The following NEMP2 variants were observed in gnomAD, a reference collection of about 807,000 sequenced individuals.
The protein encoded by NEMP2 is nuclear envelope integral membrane protein 2, also known as UPF0571 transmembrane protein.
A neutral mutation model predicts 54.2 loss-of-function variants in NEMP2; 53 were observed. That is an observed-to-expected ratio of 0.98 (90% CI 0.78 to 1.23). The LOEUF is 1.23. Ranked by LOEUF, NEMP2 falls within the 50% of genes most tolerant of loss-of-function variation. The probability of loss-of-function intolerance (pLI) is 0.00; values close to 1 mark genes in which losing one functional copy is unlikely to be tolerated. For synonymous variants in NEMP2, 197 were observed against 190.3 expected (o/e 1.04, Z -0.29); for missense variants, 455 against 511.3 (o/e 0.89, Z 1.06).
At chr2:190,619,288 G>A in the NEMP2 span, among the ~76,000 whole-genome samples, 2 of 149,552 alleles carry the variant, frequency 1.3e-5, no homozygotes, top group African/African-American at 4.9e-5. This position sits in a 1 kb window ranked among gnomAD's most constrained non-coding sequence, Gnocchi z 5.5. Flanking sequence ...GAGGCAGAAG[G>A]ATCACTGGAG....
At position 190,514,637 on chromosome 2, in the gene NEMP2, A is replaced by G. The variant is rs1355023786; in HGVS notation, c.769T>C (p.Tyr257His). 2 of 1,551,748 alleles carry G rather than the reference A, an allele frequency of 1.3e-6. No homozygotes were observed. The highest frequency in any genetic ancestry group is 2.4e-5 in the East Asian group (1 of 40,926). The stretch of plus-strand genomic sequence containing the variant: ...TCGTCTGCAAGGGGCCCATGCTTGT[A>G]ACAAACAACAAAGCTGAAAAATCCA... ...IVGFFSFVVCYKHGPLADDRS... is the reference protein window; with the variant it reads ...IVGFFSFVVCHKHGPLADDRS... Residue 257 changes from tyrosine to histidine, a missense_variant, in exon 7 of 9, where the codon TAC becomes CAC. Coordinates refer to ENST00000409150, the MANE Select transcript of NEMP2 (RefSeq NM_001142645.2). The surrounding 1 kb of genome is among the most constrained non-coding windows in gnomAD (Gnocchi z 5.7).
In NEMP2 at chr2:190,513,711, ATTT is replaced by A. The variant is rs1336689555; in HGVS notation, c.953+739_953+741del. ...GCCCTCCGCATTTATTCGTCTGGTT[ATTT>A]TTATTCATTCTTTAAGATTCAGCGT... On this transcript the variant is annotated intron_variant, in intron 7 of 8. Coordinates refer to ENST00000409150, the MANE Select transcript of NEMP2 (RefSeq NM_001142645.2). This position sits in a 1 kb window ranked among gnomAD's most constrained non-coding sequence, Gnocchi z 5.3. 2.6e-5 allele frequency among the ~76,000 whole-genome samples: 4 copies of A among 152,150 alleles called. No individual in the cohort carries two copies. The highest frequency in any genetic ancestry group is 6.5e-5 in the Admixed American group (1 of 15,272).
the NEMP2 span, among the ~76,000 whole-genome samples, chr2:190,613,976 C>G: frequency 1.3e-5 from 2 of 151,570 alleles, no homozygotes; most frequent in African/African-American, 4.8e-5. Flanking sequence ...TTTGACTAGT[C>G]TTTCCTTTTT....
chr2:190,488,886 A>G, the NEMP2 span: 2 of 1,381,554 alleles, frequency 1.4e-6, no homozygotes, highest in African/African-American at 3.0e-5. This position sits in a 1 kb window ranked among gnomAD's most constrained non-coding sequence, Gnocchi z 6.4. Flanking sequence ...GCAATACCTC[A>G]ATAAACAATC....
the NEMP2 span, among the ~76,000 whole-genome samples, chr2:190,621,712 T>C: frequency 2.0e-5 from 3 of 152,144 alleles, no homozygotes; most frequent in Non-Finnish European, 2.9e-5. Context: ...ATCAATGGAA[T>C]AGAATTGAGA....
At position 190,533,640 on chromosome 2, in the gene NEMP2, A is replaced by G. The variant is rs1177778174; in HGVS notation, c.97+919T>C. 6.6e-6 allele frequency among the ~76,000 whole-genome samples: 1 copy of G among 152,196 alleles called. No individual in the cohort carries two copies. Among genetic ancestry groups the G allele is most frequent in the African/African-American group, 2.4e-5 (1 of 41,438 alleles). ...TCATCCTTAGATAAAAAACCGCGGT[A>G]TAACCGGAGGGAGGGCCATGCCCAG... On this transcript the variant is annotated intron_variant, in intron 1 of 8. Transcript: ENST00000409150. This position sits in a 1 kb window ranked among gnomAD's most constrained non-coding sequence, Gnocchi z 4.3.
chr2:190,569,354 C>T, the NEMP2 span, among the ~76,000 whole-genome samples: 28 of 151,960 alleles, frequency 1.8e-4, no homozygotes, highest in African/African-American at 6.8e-4. Flanking sequence ...ATTACTAAGC[C>T]ATTGATTTTA....
At chr2:190,479,887 A>T in the NEMP2 span, among the ~76,000 whole-genome samples, 2 of 152,026 alleles carry the variant, frequency 1.3e-5, no homozygotes, top group African/African-American at 4.8e-5. Context: ...AGTTAGGGGG[A>T]CTTGAGCTGA....
chr2:190,627,081 T>G, the NEMP2 span, among the ~76,000 whole-genome samples: 5 of 152,350 alleles, frequency 3.3e-5, no homozygotes, highest in African/African-American at 1.2e-4. The surrounding 1 kb of genome is among the most constrained non-coding windows in gnomAD (Gnocchi z 4.4). Flanking sequence ...ATTCAACTAT[T>G]TACTTATTTG....
At chr2:190,618,463 A>G in the NEMP2 span, among the ~76,000 whole-genome samples, 1 of 152,168 alleles carries the variant, frequency 6.6e-6, no homozygotes, top group African/African-American at 2.4e-5. Context: ...CTTTTCATGT[A>G]TCTCAATCCC....
the NEMP2 span, among the ~76,000 whole-genome samples, chr2:190,482,269 C>T: frequency 1.3e-5 from 2 of 152,162 alleles, no homozygotes; most frequent in Non-Finnish European, 2.9e-5. Flanking sequence ...GAAAAGAAAA[C>T]ATTTAATGTG....
At chr2:190,479,549 A>G in the NEMP2 span, among the ~76,000 whole-genome samples, 2 of 152,254 alleles carry the variant, frequency 1.3e-5, no homozygotes, top group Non-Finnish European at 2.9e-5. Flanking sequence ...GATCAAGAAT[A>G]TAAATATTTG....
At chr2:190,498,605 T>C in the NEMP2 span, among the ~76,000 whole-genome samples, 1 of 152,204 alleles carries the variant, frequency 6.6e-6, no homozygotes, top group East Asian at 1.9e-4. The surrounding 1 kb of genome is among the most constrained non-coding windows in gnomAD (Gnocchi z 5.9). Flanking sequence ...ATGATCCTAT[T>C]TATTAATTTA....
the NEMP2 span, among the ~76,000 whole-genome samples, chr2:190,548,967 T>C: frequency 2.6e-5 from 4 of 152,246 alleles, no homozygotes; most frequent in Non-Finnish European, 1.5e-5. Context: ...TGTACATCCA[T>C]AGACACTATA....
chr2:190,558,409 A>C, the NEMP2 span, among the ~76,000 whole-genome samples: 1 of 152,228 alleles, frequency 6.6e-6, no homozygotes, highest in Non-Finnish European at 1.5e-5. This position sits in a 1 kb window ranked among gnomAD's most constrained non-coding sequence, Gnocchi z 4.4. Context: ...ACCATGGCAC[A>C]TGTATACCTA....
the NEMP2 span, among the ~76,000 whole-genome samples, chr2:190,479,991 T>C: frequency 6.6e-6 from 1 of 152,182 alleles, no homozygotes; most frequent in African/African-American, 2.4e-5. Context: ...AGGGAGACCC[T>C]GTCTCTACAA....
chr2:190,538,760 T>G (rs1691456939), upstream of NEMP2, among the ~76,000 whole-genome samples: 1 of 152,220 alleles, frequency 6.6e-6, no homozygotes, highest in Non-Finnish European at 1.5e-5. The surrounding 1 kb of genome is among the most constrained non-coding windows in gnomAD (Gnocchi z 4.1). Context: ...TATGTCTTCT[T>G]TTGAGAAATG....
the NEMP2 span, among the ~76,000 whole-genome samples, chr2:190,476,919 C>A: frequency 6.6e-6 from 1 of 151,872 alleles, no homozygotes; most frequent in Admixed American, 6.6e-5. Flanking sequence ...ATGGATGAAG[C>A]TGGAAACCAT....
the NEMP2 span, among the ~76,000 whole-genome samples, chr2:190,635,395 TG>T: frequency 6.6e-6 from 1 of 152,156 alleles, no homozygotes; most frequent in South Asian, 2.1e-4. The surrounding 1 kb of genome is among the most constrained non-coding windows in gnomAD (Gnocchi z 4.1). Flanking sequence ...TTTTATTTTT[TG>T]TAGAGCAGGG....
Sources: gnomAD v4.1 joint callset for allele counts (sites outside exome capture counted in the v4.1 genomes callset) on GRCh38, gnomAD v4.1.1 for gene constraint, Gnocchi (gnomAD v3.1) non-coding constraint, MANE v1.5 for transcripts, NCBI Gene and HGNC (gene_info 2026-07-23, HGNC 2026-07-21) for gene names.